NBEAL1: variants seen among roughly 807,000 people sequenced by gnomAD.
NBEAL1 encodes neurobeachin like 1, also known as neurobeachin-like protein 1.
In NBEAL1, 273 loss-of-function variants were observed where a neutral mutation model predicts 351.3. The ratio of observed to expected loss-of-function variants is 0.78; its 90% CI spans 0.70 to 0.86. NBEAL1 has a LOEUF of 0.86. NBEAL1 is among the 40% of genes least tolerant of loss of function. NBEAL1 has a pLI of 0.00. For synonymous variants in NBEAL1, 1,050 were observed against 1,086.4 expected (o/e 0.97, Z 0.66); for missense variants, 2,961 against 3,201.3 (o/e 0.92, Z 1.81).
intron 2 of NBEAL1, among the ~76,000 whole-genome samples, chr2:203,033,604 T>C (rs530561895): frequency 1.3e-5 from 2 of 152,340 alleles, no homozygotes; most frequent in African/African-American, 4.8e-5. Flanking sequence ...AAATTACTCA[T>C]AATGAAATAC....
intron 19 of NBEAL1, among the ~76,000 whole-genome samples, chr2:203,123,468 GATT>G: frequency 6.6e-6 from 1 of 151,826 alleles, no homozygotes; most frequent in South Asian, 2.1e-4. Context: ...AAGTAGCTGG[GATT>G]ATAGGCACCT....
chr2:203,115,434 TTTTG>T (rs2062670798), intron 17 of NBEAL1, among the ~76,000 whole-genome samples: 1 of 151,300 alleles, frequency 6.6e-6, no homozygotes, highest in African/African-American at 2.4e-5. Context: ...AGATAATAAT[TTTTG>T]TTTGTTTTTG....
In NBEAL1 at chr2:203,169,853, T is replaced by C. The variant is rs767168759; in HGVS notation, c.6102+2T>C. 4 of 1,539,092 alleles carry C rather than the reference T, an allele frequency of 2.6e-6. No individual in the cohort carries two copies. The highest frequency in any genetic ancestry group is 3.6e-6 in the Non-Finnish European group (4 of 1,120,472). The stretch of plus-strand genomic sequence containing the variant: ...TTCAAAGCATCAGGATTGACACAGG[T>C]AGGAAATTGTAATAGTCTCTAATGA... On this transcript the variant is annotated splice_donor_variant, in intron 39 of 55. Coordinates refer to ENST00000683969, the MANE Select transcript of NBEAL1 (RefSeq NM_001378026.1). LOFTEE classifies it high-confidence loss of function.
At chr2:203,124,716 G>A (rs759048494) in intron 19 of NBEAL1, among the ~76,000 whole-genome samples, 2 of 152,064 alleles carry the variant, frequency 1.3e-5, no homozygotes, top group Admixed American at 6.5e-5. Flanking sequence ...GTATGGTATC[G>A]ACTGTATGTC....
At chr2:203,083,133 C>A in intron 8 of NBEAL1, 86 bp from the exon 9 acceptor site, 1 of 1,177,200 alleles carries the variant, frequency 8.5e-7, no homozygotes. Flanking sequence ...AAAAGGTTGC[C>A]TGCAGATGTA....
chr2:203,160,799 T>C (rs1299076216), intron 36 of NBEAL1, among the ~76,000 whole-genome samples: 1 of 150,856 alleles, frequency 6.6e-6, no homozygotes, highest in Non-Finnish European at 1.5e-5. Flanking sequence ...TTCATTGGGG[T>C]TTTTTTGTTT....
At position 203,077,182 on chromosome 2, in the gene NBEAL1, C is replaced by CG. The variant is rs1193660371; in HGVS notation, c.599-567dup. Among the ~76,000 whole-genome samples, 3 of 151,858 alleles carry CG rather than the reference C, an allele frequency of 2.0e-5. No homozygotes were observed. The East Asian group carries it at 5.8e-4, about 29-fold the overall frequency. On this transcript the variant is annotated intron_variant, in intron 7 of 55. Coordinates refer to ENST00000683969, the MANE Select transcript of NBEAL1 (RefSeq NM_001378026.1). The stretch of plus-strand genomic sequence containing the variant: ...ATCTCAGCACTTTGGGAGGCTGAGG[C>CG]GGGTGGGTCACCTGAGGTCTCTACT...
In NBEAL1 at chr2:203,057,590, A is replaced by G. The variant is rs890231768; in HGVS notation, c.515+137A>G. On this transcript the variant is annotated intron_variant, in intron 6 of 55. Coordinates refer to ENST00000683969, the MANE Select transcript of NBEAL1 (RefSeq NM_001378026.1). ...ACAGATTTAACTCTGAGCTAGAGAA[A>G]TATGTTGGAGGGAATGAATTAGTGA... The G allele has an allele frequency of 2.7e-5, 18 of 657,984 alleles. No individual in the cohort carries two copies. In the Admixed American group the frequency reaches 5.5e-4, roughly 20 times the overall value. 40.8% of individuals were successfully genotyped at this position (657,984 alleles called of 1,614,324 possible).
chr2:203,164,335 T>C (rs2064064139), intron 36 of NBEAL1, among the ~76,000 whole-genome samples: 2 of 152,030 alleles, frequency 1.3e-5, no homozygotes, highest in Admixed American at 6.6e-5. Flanking sequence ...ATTAGTTCAG[T>C]AATTTTTTTT....
chr2:203,144,756 G>A lies in NBEAL1; in HGVS notation c.5005G>A (p.Val1669Ile). 1.2e-6 allele frequency: 2 copies of A among 1,614,110 alleles called. No homozygotes were observed. Among genetic ancestry groups the A allele is most frequent in the South Asian group, 2.2e-5 (2 of 91,082 alleles). ...TEIYSFLIPL[V>I]RTLVSKIYEL... Reference sequence around the variant, plus strand: ...AATCTACTCATTTCTGATTCCCCTTGTTCGTACCCTGGTTTCCAAAATTTA... The same window carrying A: ...AATCTACTCATTTCTGATTCCCCTTATTCGTACCCTGGTTTCCAAAATTTA... Residue 1669 changes from valine to isoleucine, a missense_variant, in exon 32 of 56, where the codon GTT becomes ATT. Coordinates refer to ENST00000683969, the MANE Select transcript of NBEAL1 (RefSeq NM_001378026.1).
Position 203,145,130 on chromosome 2 carries a change from G to A in NBEAL1, c.5274G>A (p.Arg1758=). 1 of 1,603,450 alleles carries A rather than the reference G, an allele frequency of 6.2e-7. No individual in the cohort carries two copies. The highest frequency in any genetic ancestry group is 8.5e-7 in the Non-Finnish European group (1 of 1,177,336). ...TGGTAAATATGCATAAACGAGACCGGGAAGGAGGGGAAAGCAAGCTCAAAT... is the reference window on the plus strand; with the variant it reads ...TGGTAAATATGCATAAACGAGACCGAGAAGGAGGGGAAAGCAAGCTCAAAT... ...ALMVNMHKRD[R]EGGESKLKFQ... The change falls in exon 33 of 56, where the codon CGG becomes CGA. Residue 1758 remains arginine (R), a synonymous_variant. Coordinates refer to ENST00000683969, the MANE Select transcript of NBEAL1 (RefSeq NM_001378026.1).
In NBEAL1 at chr2:203,029,698, A is replaced by C. The variant is rs573228927; in HGVS notation, c.52-12067A>C. Among the ~76,000 whole-genome samples, 137 of 152,128 alleles carry C rather than the reference A, an allele frequency of 9.0e-4. 4 individuals carry two copies. Among genetic ancestry groups the C allele is most frequent in the Admixed American group, 8.7e-3 (133 of 15,268 alleles). Reference sequence around the variant, plus strand: ...TAGAGTGAGACCCTGTCTCAAAAAAAAAAAAAAAAGCTAATAAAAACATAC... The same window carrying C: ...TAGAGTGAGACCCTGTCTCAAAAAACAAAAAAAAAGCTAATAAAAACATAC... On this transcript the variant is annotated intron_variant, in intron 2 of 55. Coordinates refer to ENST00000683969, the MANE Select transcript of NBEAL1 (RefSeq NM_001378026.1).
chr2:203,095,173 A>G (rs558965732), intron 10 of NBEAL1, among the ~76,000 whole-genome samples: 1 of 152,352 alleles, frequency 6.6e-6, no homozygotes, highest in South Asian at 2.1e-4. Context: ...TTTAGTAGCA[A>G]GGAGAAGAAT....
Position 203,048,383 on chromosome 2 carries a change from A to G in NBEAL1, c.144-1431A>G, listed in dbSNP as rs1174419974. On this transcript the variant is annotated intron_variant, in intron 3 of 55. Coordinates refer to ENST00000683969, the MANE Select transcript of NBEAL1 (RefSeq NM_001378026.1). ...GCAACACAGCGAGACTCCATCTCAA[A>G]AAAAAAAAAAAAAAAAATCCATGCT... Among the ~76,000 whole-genome samples the G allele has an allele frequency of 2.1e-4, 10 of 46,942 alleles. No individual in the cohort carries two copies. In the South Asian group the frequency reaches 5.3e-3, roughly 25 times the overall value. The allele number at this position is 46,942 out of a possible 152,430, so 30.8% of individuals were successfully genotyped here. A position where few individuals can be genotyped will look rare whatever the true frequency, so the allele number is the denominator to read the frequency against.
At chr2:203,188,911 A>G (rs935645132) in intron 45 of NBEAL1, among the ~76,000 whole-genome samples, 4 of 152,226 alleles carry the variant, frequency 2.6e-5, no homozygotes, top group Admixed American at 6.5e-5. Context: ...AGTTACAAAT[A>G]ACAGATTCTT....
intron 33 of NBEAL1, among the ~76,000 whole-genome samples, chr2:203,147,131 T>G (rs2063533311): frequency 6.6e-6 from 1 of 152,162 alleles, no homozygotes; most frequent in Non-Finnish European, 1.5e-5. Context: ...TTCTCACCAC[T>G]GTTAGTTACT....
chr2:203,204,236 C>CT lies in NBEAL1; in HGVS notation c.7506+1463dup, dbSNP rs202118807. On this transcript the variant is annotated intron_variant, in intron 51 of 55. Coordinates refer to ENST00000683969, the MANE Select transcript of NBEAL1 (RefSeq NM_001378026.1). Reference sequence around the variant, plus strand: ...GCCACCGCACCCGGCCCCATACCCTCTTTTTTTTAAAAAAAAAAAACAACT... The same window carrying CT: ...GCCACCGCACCCGGCCCCATACCCTCTTTTTTTTTAAAAAAAAAAAACAACT... 7.3e-3 allele frequency among the ~76,000 whole-genome samples: 1,012 copies of CT among 139,528 alleles called. 15 individuals are homozygous for CT. Among genetic ancestry groups the CT allele is most frequent in the African/African-American group, 0.024 (921 of 38,088 alleles). 91.5% of individuals were successfully genotyped at this position (139,528 alleles called of 152,430 possible).
intron 27 of NBEAL1, among the ~76,000 whole-genome samples, chr2:203,135,084 G>A (rs535788486): frequency 1.3e-5 from 2 of 151,644 alleles, no homozygotes; most frequent in South Asian, 2.1e-4. Context: ...GCTGAGGCAG[G>A]AGAGTTGCAT....
At position 203,192,943 on chromosome 2, in the gene NBEAL1, T is replaced by C. The variant is rs529697571; in HGVS notation, c.6922-852T>C. Among the ~76,000 whole-genome samples the C allele has an allele frequency of 4.6e-5, 7 of 150,574 alleles. No homozygotes were observed. In the South Asian group the frequency reaches 1.1e-3, roughly 23 times the overall value. ...TACCTATAATTTGATTCTGACAGTA[T>C]TGACTTTTTTTCTTTCTTTCTTTTT... On this transcript the variant is annotated intron_variant, in intron 46 of 55. Transcript: ENST00000683969.
Sources: gnomAD v4.1 joint callset for allele counts (sites outside exome capture counted in the v4.1 genomes callset) on GRCh38, gnomAD v4.1.1 for gene constraint, MANE v1.5 for transcripts, NCBI Gene and HGNC (gene_info 2026-07-23, HGNC 2026-07-21) for gene names.